The following DLGAP2 variants were observed in gnomAD, a reference collection of about 807,000 sequenced individuals.
DLGAP2 encodes the protein disks large-associated protein 2.
Under a neutral mutation model 100.3 loss-of-function variants are expected in DLGAP2, and 26 were observed. That is an observed-to-expected ratio of 0.26 (90% confidence interval 0.19 to 0.36). The LOEUF (loss-of-function observed/expected upper bound fraction) is 0.36. Ranked by LOEUF, DLGAP2 falls within the 10% of genes least tolerant of loss-of-function variation. The pLI is 1.00. For missense variants in DLGAP2, 1,858 were observed against 1,453.2 expected, an observed-to-expected ratio of 1.28 and a Z score of -4.53; for synonymous variants, 886 against 630.1, an observed-to-expected ratio of 1.41 and a Z score of -6.08.
intron 3 of DLGAP2, among the ~76,000 whole-genome samples, chr8:1,492,669 C>A (rs1799423233): frequency 6.6e-6 from 1 of 152,240 alleles, no homozygotes. Context: ...CCCCTCCTCA[C>A]AGCCGGAGGC....
intron 3 of DLGAP2, among the ~76,000 whole-genome samples, chr8:1,292,216 G>A (rs1800074239): frequency 6.6e-6 from 1 of 152,226 alleles, no homozygotes; most frequent in African/African-American, 2.4e-5. Flanking sequence ...TGGAAAGTGA[G>A]CTCTGTCACC....
chr8:1,029,986 C>G (rs1202729051), intron 2 of DLGAP2, among the ~76,000 whole-genome samples: 3 of 152,168 alleles, frequency 2.0e-5, no homozygotes, highest in African/African-American at 7.2e-5. Context: ...CGAGAGGAAG[C>G]TGGGAGGCCC....
At position 1,152,645 on chromosome 8, in the gene DLGAP2, A is replaced by G. The variant is rs974241252; in HGVS notation, c.74-106206A>G. ...GGAGGGAACTCCCAGGGGTGCCTGC[A>G]GGGCCTCCTAGGATGCGAACTTGGG... On this transcript the variant is annotated intron_variant, in intron 2 of 14. Coordinates refer to ENST00000637795, the MANE Select transcript of DLGAP2 (RefSeq NM_001346810.2). 2.6e-5 allele frequency among the ~76,000 whole-genome samples: 4 copies of G among 152,140 alleles called. No homozygotes were observed. In the South Asian group the frequency reaches 6.2e-4, roughly 24 times the overall value.
At chr8:1,665,800 C>T (rs1291905576) in intron 8 of DLGAP2, among the ~76,000 whole-genome samples, 1 of 152,246 alleles carries the variant, frequency 6.6e-6, no homozygotes, top group Admixed American at 6.5e-5. Context: ...GATAAAGATT[C>T]TGTTTTCTGT....
At chr8:921,045 A>G (rs1283572671) in intron 2 of DLGAP2, among the ~76,000 whole-genome samples, 1 of 152,002 alleles carries the variant, frequency 6.6e-6, no homozygotes, top group African/African-American at 2.4e-5. Flanking sequence ...CTAAGTGTAC[A>G]TTTCACTCTT....
chr8:1,192,124 G>A (rs114620336), intron 2 of DLGAP2, among the ~76,000 whole-genome samples: 5 of 152,210 alleles, frequency 3.3e-5, no homozygotes, highest in South Asian at 2.1e-4. Flanking sequence ...TTCTCCTCTC[G>A]TACGTGATGA....
At chr8:1,450,727 C>G (rs929277302) in intron 3 of DLGAP2, among the ~76,000 whole-genome samples, 1 of 152,082 alleles carries the variant, frequency 6.6e-6, no homozygotes, top group African/African-American at 2.4e-5. Flanking sequence ...GGGGGCCAAG[C>G]GACAGGCACC....
At chr8:1,354,153 T>C (rs1256841880) in intron 3 of DLGAP2, among the ~76,000 whole-genome samples, 1 of 152,182 alleles carries the variant, frequency 6.6e-6, no homozygotes, top group African/African-American at 2.4e-5. Context: ...GGATATTCTC[T>C]CAGCATGAAC....
chr8:1,458,010 A>ATATATG (rs1554475216), intron 3 of DLGAP2, among the ~76,000 whole-genome samples: 2 of 128,466 alleles, frequency 1.6e-5, no homozygotes, highest in African/African-American at 2.9e-5. Flanking sequence ...ATATATATAT[A>ATATATG]TATAATTTTT....
chr8:1,389,821 G>A (rs113440358), intron 3 of DLGAP2, among the ~76,000 whole-genome samples: 1,667 of 152,120 alleles, frequency 0.011, 15 homozygotes, highest in South Asian at 0.018. Context: ...AGGATCCAAC[G>A]CAGACCCAGA....
At chr8:869,012 A>G (rs1462675242) in intron 1 of DLGAP2, among the ~76,000 whole-genome samples, 1 of 152,202 alleles carries the variant, frequency 6.6e-6, no homozygotes, top group Admixed American at 6.5e-5. Flanking sequence ...TCCACAGAAA[A>G]GGCTGCCGGG....
chr8:1,260,170 A>G (rs1799317178), intron 3 of DLGAP2, among the ~76,000 whole-genome samples: 1 of 152,198 alleles, frequency 6.6e-6, no homozygotes, highest in Admixed American at 6.5e-5. Flanking sequence ...AGGCTGCTGC[A>G]GAGGATGATG....
chr8:885,922 G>A (rs1195930638), intron 1 of DLGAP2, among the ~76,000 whole-genome samples: 1 of 152,188 alleles, frequency 6.6e-6, no homozygotes, highest in Non-Finnish European at 1.5e-5. Context: ...AATAAAATGA[G>A]TTAGGGAGGA....
Position 1,211,015 on chromosome 8 carries a change from C to G in DLGAP2, c.74-47836C>G, listed in dbSNP as rs1229675480. Among the ~76,000 whole-genome samples, 3 of 152,336 alleles carry G rather than the reference C, an allele frequency of 2.0e-5. No homozygotes were observed. The East Asian group carries it at 5.8e-4, about 29-fold the overall frequency. On this transcript the variant is annotated intron_variant, in intron 2 of 14. Transcript: ENST00000637795. ...CGGCTGTCTTTAAAGGACAGACAGC[C>G]CACACCAGGGAGGACCTGGCAGGCT...
intron 4 of DLGAP2, among the ~76,000 whole-genome samples, chr8:1,513,330 C>T (rs1800242792): frequency 6.6e-6 from 1 of 151,660 alleles, no homozygotes; most frequent in Admixed American, 6.6e-5. Flanking sequence ...CGGGAGAGGC[C>T]ACAGGCCAGC....
At chr8:1,675,132 G>C (rs567434129) in intron 10 of DLGAP2, among the ~76,000 whole-genome samples, 3 of 152,202 alleles carry the variant, frequency 2.0e-5, no homozygotes, top group African/African-American at 7.2e-5. Context: ...TCCCAGTCTC[G>C]GGACCGCTTC....
At chr8:1,562,809 C>T (rs1802224079) in intron 5 of DLGAP2, among the ~76,000 whole-genome samples, 1 of 22,318 alleles carries the variant, frequency 4.5e-5, no homozygotes, top group Non-Finnish European at 7.8e-5. Context: ...CGCCTCGTTA[C>T]TGGGGGGCTG....
At chr8:953,215 G>A (rs1165517852) in intron 2 of DLGAP2, among the ~76,000 whole-genome samples, 1 of 151,462 alleles carries the variant, frequency 6.6e-6, no homozygotes, top group African/African-American at 2.4e-5. Context: ...TTTTTTTTGA[G>A]ATGGAGTTTC....
At chr8:1,684,952 G>A (rs544624893) in intron 12 of DLGAP2, among the ~76,000 whole-genome samples, 4 of 152,176 alleles carry the variant, frequency 2.6e-5, no homozygotes, top group East Asian at 1.9e-4. Context: ...CCGAAGTAAC[G>A]AATAACCTAC....
Sources: allele counts gnomAD v4.1 joint callset (sites outside exome capture counted in the v4.1 genomes callset), GRCh38; gene constraint gnomAD v4.1.1; transcripts MANE v1.5; gene names NCBI Gene and HGNC (gene_info 2026-07-23, HGNC 2026-07-21).